The following LARS1 variants were observed in gnomAD, a reference collection of about 807,000 sequenced individuals.
LARS1 encodes leucyl-tRNA synthetase 1.
Under a neutral mutation model 162.8 loss-of-function variants are expected in LARS1, and 100 were observed. The observed-to-expected ratio is 0.61, with a 90% confidence interval of 0.52 to 0.73. LARS1 has a LOEUF of 0.73. Among genes scored for constraint, LARS1 ranks in the 30% least tolerant of loss-of-function variants. LARS1 has a pLI of 0.00. For synonymous variants in LARS1, 457 were observed against 462.8 expected, an observed-to-expected ratio of 0.99 and a Z score of 0.16; for missense variants, 1,258 against 1,408.9, an observed-to-expected ratio of 0.89 and a Z score of 1.71.
rs748372882 is a variant in LARS1, at chr5:146,157,725, T to C, written c.839+3A>G. ...GATAAAGCAATTACTCTGGCAAACC[T>C]ACCTTAATTTAGATGGGTATGGCTC... On this transcript the variant is annotated splice_donor_region_variant and intron_variant, in intron 9 of 31. Transcript: ENST00000394434. 7 of 1,613,946 alleles carry C rather than the reference T, an allele frequency of 4.3e-6. No homozygotes were observed. The East Asian group carries it at 1.6e-4, about 36-fold the overall frequency.
chr5:146,176,052 C>T (rs940011798), intron 2 of LARS1, among the ~76,000 whole-genome samples: 2 of 150,964 alleles, frequency 1.3e-5, no homozygotes, highest in Non-Finnish European at 1.5e-5. Flanking sequence ...CTCAGAAGGC[C>T]GAGGAAGAAG....
chr5:146,153,956 C>T lies in LARS1; in HGVS notation c.1090G>A (p.Ala364Thr). Residue 364 changes from alanine (A) to threonine (T), a missense_variant, in exon 11 of 32, where the codon GCA (alanine) becomes ACA (threonine). By Grantham distance (58) the Ala-to-Thr change is moderately conservative (BLOSUM62 0). Transcript: ENST00000394434. The part of the protein sequence containing the change: ...GEEILGASLS[A>T]PLTSYKVIYV... ...ATCACCTTGTATGATGTTAAAGGTG[C>T]AGAAAGTGATGCACCAAGAATTTCC... 6.2e-7 allele frequency: 1 copy of T among 1,608,156 alleles called. No individual in the cohort carries two copies. The highest frequency in any genetic ancestry group is 1.1e-5 in the South Asian group (1 of 89,870).
intron 1 of LARS1, among the ~76,000 whole-genome samples, chr5:146,180,392 C>T (rs1051413027): frequency 6.6e-5 from 10 of 151,860 alleles, no homozygotes; most frequent in African/African-American, 2.2e-4. Context: ...AAATTAGCAG[C>T]GCATGGTGGC....
At chr5:146,173,364 T>A (rs1754363683) in intron 2 of LARS1, among the ~76,000 whole-genome samples, 1 of 151,254 alleles carries the variant, frequency 6.6e-6, no homozygotes, top group Non-Finnish European at 1.5e-5. Context: ...AAAAAAAAAA[T>A]TCTTTAATAC....
chr5:146,179,026 G>C (rs73317840), intron 1 of LARS1, among the ~76,000 whole-genome samples: 4,431 of 152,176 alleles, frequency 0.029, 223 homozygotes, highest in African/African-American at 0.1. Flanking sequence ...GAGGCTACGA[G>C]TTCAAGACCA....
chr5:146,120,867 A>G (rs906121081), intron 30 of LARS1, among the ~76,000 whole-genome samples: 1 of 152,122 alleles, frequency 6.6e-6, no homozygotes, highest in African/African-American at 2.4e-5. Flanking sequence ...CTTTTTCACA[A>G]AAGAGAAGCT....
chr5:146,142,452 T>C (rs916108906), intron 20 of LARS1, among the ~76,000 whole-genome samples: 7 of 152,180 alleles, frequency 4.6e-5, no homozygotes, highest in Non-Finnish European at 7.3e-5. Flanking sequence ...GAGGGAAAAG[T>C]AGACATGTCT....
At chr5:146,119,612 C>T (rs1207299837) in intron 31 of LARS1, among the ~76,000 whole-genome samples, 2 of 152,154 alleles carry the variant, frequency 1.3e-5, no homozygotes, top group Non-Finnish European at 2.9e-5. Flanking sequence ...GACACACTAT[C>T]TCCCTTCACA....
At chr5:146,162,642 C>A (rs1392042923) in intron 6 of LARS1, among the ~76,000 whole-genome samples, 1 of 152,154 alleles carries the variant, frequency 6.6e-6, no homozygotes, top group Non-Finnish European at 1.5e-5. Flanking sequence ...CAAGAATCAG[C>A]CCATCGTTTA....
At chr5:146,135,525 A>C in intron 22 of LARS1, 76 bp downstream of exon 22, 1 of 1,097,442 alleles carries the variant, frequency 9.1e-7, no homozygotes, top group Non-Finnish European at 1.3e-6. Flanking sequence ...TAAAATTAAA[A>C]CACCAATTTT....
Position 146,168,206 on chromosome 5 carries a change from T to G in LARS1, c.354A>C (p.Pro118=). ...TTTCTTCCTCTTCCTCTTCTTCATCTGGAAAATCAGGGGGGCAACCATACA... is the reference window on the plus strand; with the variant it reads ...TTTCTTCCTCTTCCTCTTCTTCATCGGGAAAATCAGGGGGGCAACCATACA... ...IELYGCPPDF[P]DEEEEEEETS... Residue 118 remains proline, a synonymous_variant, in exon 5 of 32, where the codon CCA becomes CCC. Coordinates refer to ENST00000394434, the MANE Select transcript of LARS1 (RefSeq NM_020117.11). 5 of 1,613,424 alleles carry G rather than the reference T, an allele frequency of 3.1e-6. No homozygotes were observed. Among genetic ancestry groups the G allele is most frequent in the Non-Finnish European group, 4.2e-6 (5 of 1,179,524 alleles).
At chr5:146,164,605 G>C in intron 5 of LARS1, 134 bp from the exon 6 acceptor site, 3 of 854,082 alleles carry the variant, frequency 3.5e-6, no homozygotes, top group Non-Finnish European at 5.7e-6. Flanking sequence ...GCAGGAATTA[G>C]TTGTACTATT....
intron 22 of LARS1, among the ~76,000 whole-genome samples, chr5:146,133,625 A>G (rs11954083): frequency 0.22 from 33,204 of 150,850 alleles, 4,686 homozygotes; most frequent in Admixed American, 0.33. Context: ...AAAATATTGA[A>G]AAAAAGAACC....
intron 2 of LARS1, among the ~76,000 whole-genome samples, chr5:146,174,049 T>C (rs1265236432): frequency 6.6e-6 from 1 of 150,638 alleles, no homozygotes; most frequent in Non-Finnish European, 1.5e-5. Flanking sequence ...TAAATTACCT[T>C]AAAGTTAACC....
At chr5:146,140,615 G>A (rs1166652797) in intron 20 of LARS1, among the ~76,000 whole-genome samples, 1 of 152,204 alleles carries the variant, frequency 6.6e-6, no homozygotes, top group African/African-American at 2.4e-5. Flanking sequence ...AGACCAGCCT[G>A]GCCAGGAGGG....
intron 21 of LARS1, 93 bp downstream of exon 21, chr5:146,140,111 T>G: frequency 2.0e-6 from 2 of 983,956 alleles, no homozygotes; most frequent in Non-Finnish European, 3.2e-6. Context: ...CTGGACACAT[T>G]ATTTCTTACA....
chr5:146,139,179 G>A (rs2939527), intron 21 of LARS1, among the ~76,000 whole-genome samples: 112,228 of 151,450 alleles, frequency 0.74, 41,991 homozygotes, highest in Middle Eastern at 0.87. Flanking sequence ...CCATCTCTAC[G>A]GAAAAAAACA....
At chr5:146,167,906 G>C in intron 5 of LARS1, among the ~76,000 whole-genome samples, 1 of 151,942 alleles carries the variant, frequency 6.6e-6, no homozygotes, top group East Asian at 1.9e-4. Context: ...GGATGGTCTC[G>C]ATCTCCTGAC....
rs2939536 is a variant in LARS1, at chr5:146,159,696, G to C, written c.708-226C>G. Among the ~76,000 whole-genome samples, 112,481 of 151,964 alleles carry C rather than the reference G, an allele frequency of 0.74. 42,074 individuals carry two copies. Among genetic ancestry groups the C allele is most frequent in the Middle Eastern group, 0.87 (253 of 292 alleles). On this transcript the variant is annotated intron_variant, in intron 7 of 31. Transcript: ENST00000394434. The stretch of plus-strand genomic sequence containing the variant: ...GTAATACCACTGAAAAATACACACT[G>C]ATCTTGGCTTTGTGGTATTGAACAA...
Sources: allele counts gnomAD v4.1 joint callset (sites outside exome capture counted in the v4.1 genomes callset), GRCh38; gene constraint gnomAD v4.1.1; transcripts MANE v1.5; gene names NCBI Gene and HGNC (gene_info 2026-07-23, HGNC 2026-07-21).